SYT16: variants seen among roughly 807,000 people sequenced by gnomAD.
SYT16 encodes the protein synaptotagmin 16.
In SYT16, 42 loss-of-function variants were observed where a neutral mutation model predicts 61.4. The ratio of observed to expected loss-of-function variants is 0.68; its 90% CI spans 0.53 to 0.89. The LOEUF is 0.89. Among genes scored for constraint, SYT16 ranks in the 40% least tolerant of loss-of-function variants. SYT16 has a pLI of 0.00. For missense variants in SYT16, 804 were observed against 807.3 expected (o/e 1.00, Z 0.05); for synonymous variants, 314 against 302.3 (o/e 1.04, Z -0.40).
At chr14:61,878,958 T>A (rs1398830715) in intron 1 of SYT16, among the ~76,000 whole-genome samples, 3 of 152,196 alleles carry the variant, frequency 2.0e-5, no homozygotes, top group Non-Finnish European at 2.9e-5. Flanking sequence ...TAGTTTGTAA[T>A]GTTTATATTT....
rs545317370 is a variant in SYT16 at position 62,031,176 on chromosome 14, C to G, written c.523+34634C>G. 2.0e-5 allele frequency among the ~76,000 whole-genome samples: 3 copies of G among 152,252 alleles called. No individual in the cohort carries two copies. In the South Asian group the frequency reaches 6.2e-4, roughly 32 times the overall value. On this transcript the variant is annotated intron_variant, in intron 3 of 7. Transcript: ENST00000683842. Reference sequence around the variant, plus strand: ...ATGGCTTGTGTTAAAAAATGGAAGGCCACAATGCATAAATAAATACAAGCC... The same window carrying G: ...ATGGCTTGTGTTAAAAAATGGAAGGGCACAATGCATAAATAAATACAAGCC...
At chr14:61,816,928 G>A (rs1206444568) in intron 1 of SYT16, among the ~76,000 whole-genome samples, 2 of 150,866 alleles carry the variant, frequency 1.3e-5, no homozygotes, top group South Asian at 2.1e-4. Flanking sequence ...GGAGAATGGC[G>A]TGAACCCGGA....
chr14:61,872,955 G>C (rs2047375374), intron 1 of SYT16, among the ~76,000 whole-genome samples: 2 of 152,138 alleles, frequency 1.3e-5, no homozygotes, highest in Non-Finnish European at 2.9e-5. Context: ...ATTTTGAGTA[G>C]AATACAGATG....
intron 1 of SYT16, among the ~76,000 whole-genome samples, chr14:61,961,786 A>G (rs929788391): frequency 1.3e-5 from 2 of 152,196 alleles, no homozygotes; most frequent in African/African-American, 4.8e-5. Context: ...AAAGGAATAT[A>G]AATTATTCTA....
At chr14:61,898,973 G>GA (rs1192822856) in intron 1 of SYT16, among the ~76,000 whole-genome samples, 1 of 152,152 alleles carries the variant, frequency 6.6e-6, no homozygotes, top group East Asian at 1.9e-4. Context: ...ATCAAAGTCA[G>GA]AAATTAAATT....
At chr14:61,818,693 A>C (rs993352613) in intron 1 of SYT16, among the ~76,000 whole-genome samples, 6 of 152,020 alleles carry the variant, frequency 3.9e-5, no homozygotes, top group Admixed American at 1.3e-4. Context: ...AAAAAAAAAA[A>C]AACAGCATTT....
intron 1 of SYT16, among the ~76,000 whole-genome samples, chr14:61,866,566 A>C (rs73258406): frequency 0.14 from 21,157 of 152,014 alleles, 1,576 homozygotes; most frequent in African/African-American, 0.19. Flanking sequence ...ATCTATACCT[A>C]TTCTTTGGTA....
intron 3 of SYT16, among the ~76,000 whole-genome samples, chr14:62,025,303 A>G (rs2140777405): frequency 6.6e-6 from 1 of 152,240 alleles, no homozygotes; most frequent in Admixed American, 6.5e-5. Context: ...ATAAGTATGT[A>G]GTAGTGTCTT....
chr14:61,948,602 A>G (rs1204025313), intron 1 of SYT16, among the ~76,000 whole-genome samples: 3 of 152,098 alleles, frequency 2.0e-5, no homozygotes, highest in Non-Finnish European at 4.4e-5. Flanking sequence ...AGGCTTGATG[A>G]TGTTAGGAAT....
chr14:62,019,579 T>C (rs1426709751), intron 3 of SYT16, among the ~76,000 whole-genome samples: 1 of 152,260 alleles, frequency 6.6e-6, no homozygotes, highest in Non-Finnish European at 1.5e-5. Flanking sequence ...CACATATTGC[T>C]GTACTTTTTT....
At chr14:61,941,652 GTCAAGTGGAATC>G (rs935819967) in intron 1 of SYT16, among the ~76,000 whole-genome samples, 4 of 152,074 alleles carry the variant, frequency 2.6e-5, no homozygotes, top group African/African-American at 9.7e-5. Context: ...CCCTTATCTA[GTCAAGTGGAATC>G]TCTCTTTTCT....
intron 1 of SYT16, among the ~76,000 whole-genome samples, chr14:61,884,455 G>A (rs1251967437): frequency 1.3e-5 from 2 of 152,166 alleles, no homozygotes; most frequent in African/African-American, 4.8e-5. Flanking sequence ...TAAAGGCACT[G>A]TGCTTCAGTC....
At chr14:61,886,634 A>G (rs1181167252) in intron 1 of SYT16, among the ~76,000 whole-genome samples, 2 of 152,186 alleles carry the variant, frequency 1.3e-5, no homozygotes, top group Non-Finnish European at 1.5e-5. Context: ...GTCTAATTCC[A>G]GTTCTCGTGC....
intron 1 of SYT16, among the ~76,000 whole-genome samples, chr14:61,961,591 A>C (rs1437084097): frequency 6.6e-6 from 1 of 152,162 alleles, no homozygotes; most frequent in African/African-American, 2.4e-5. Flanking sequence ...AGTCACAATG[A>C]ATATTATTAA....
intron 1 of SYT16, among the ~76,000 whole-genome samples, chr14:61,852,746 T>G (rs576671540): frequency 6.6e-6 from 1 of 152,322 alleles, no homozygotes; most frequent in South Asian, 2.1e-4. Flanking sequence ...TAGGAATGCT[T>G]GTGATTTTTG....
intron 3 of SYT16, among the ~76,000 whole-genome samples, chr14:62,038,160 C>T (rs540374790): frequency 3.2e-4 from 48 of 151,506 alleles, no homozygotes; most frequent in Non-Finnish European, 4.7e-4. Context: ...CCGGTAGTTT[C>T]GCTTGCAGGC....
In SYT16 at chr14:61,850,505, C is replaced by G. The variant is rs1018506183; in HGVS notation, c.-325+37695C>G. ...GGTTTGTTAGCTGTTTGCATTTCTT[C>G]TTTTAAGAAGTGTACATATCATTTG... On this transcript the variant is annotated intron_variant, in intron 1 of 7. Transcript: ENST00000683842. 2.6e-5 allele frequency among the ~76,000 whole-genome samples: 4 copies of G among 152,190 alleles called. No individual in the cohort carries two copies. In the East Asian group the frequency reaches 7.7e-4, roughly 29 times the overall value.
chr14:61,978,048 C>G (rs932021562), intron 2 of SYT16, among the ~76,000 whole-genome samples: 4 of 152,172 alleles, frequency 2.6e-5, no homozygotes, highest in Non-Finnish European at 5.9e-5. Context: ...CTGTCTTCAC[C>G]TCACCTTCTT....
intron 1 of SYT16, among the ~76,000 whole-genome samples, chr14:61,838,257 C>T (rs914512792): frequency 6.6e-6 from 1 of 152,140 alleles, no homozygotes; most frequent in African/African-American, 2.4e-5. Context: ...ATACCCTTTC[C>T]CACTCCATAG....
Sources: allele counts gnomAD v4.1 joint callset (sites outside exome capture counted in the v4.1 genomes callset), GRCh38; gene constraint gnomAD v4.1.1; transcripts MANE v1.5; gene names NCBI Gene and HGNC (gene_info 2026-07-23, HGNC 2026-07-21).